Variants in RAP1GAP2 observed in about 807,000 individuals in gnomAD.
RAP1GAP2 encodes the protein rap1 GTPase-activating protein 2.
A neutral mutation model predicts 95.0 loss-of-function variants in RAP1GAP2; 27 were observed. That is an observed-to-expected ratio of 0.28 (90% confidence interval 0.21 to 0.39). The LOEUF is 0.39. Among genes scored for constraint, RAP1GAP2 ranks in the 10% least tolerant of loss-of-function variants. The pLI is 1.00. For synonymous variants in RAP1GAP2, 373 were observed against 380.9 expected (o/e 0.98, Z 0.24); for missense variants, 771 against 970.0 (o/e 0.79, Z 2.72).
At chr17:2,978,997 T>A (rs2045238407) in intron 8 of RAP1GAP2, among the ~76,000 whole-genome samples, 1 of 139,950 alleles carries the variant, frequency 7.1e-6, no homozygotes, top group Admixed American at 7.3e-5. Context: ...GATAAATAAA[T>A]AAAAAAAATA....
intron 12 of RAP1GAP2, among the ~76,000 whole-genome samples, chr17:2,992,665 C>T (rs867940971): frequency 1.3e-5 from 2 of 152,162 alleles, no homozygotes; most frequent in Non-Finnish European, 2.9e-5. Flanking sequence ...CTCCTCACAT[C>T]GTGTGAAAAT....
intron 1 of RAP1GAP2, among the ~76,000 whole-genome samples, chr17:2,789,128 G>A (rs567099018): frequency 5.3e-5 from 8 of 152,126 alleles, no homozygotes; most frequent in Non-Finnish European, 1.5e-5. Flanking sequence ...CCCAATCATG[G>A]CTCTGCTTCC....
At chr17:2,839,065 G>A (rs2071262935) in intron 2 of RAP1GAP2, among the ~76,000 whole-genome samples, 1 of 152,098 alleles carries the variant, frequency 6.6e-6, no homozygotes, top group South Asian at 2.1e-4. Context: ...CACTTTTGGA[G>A]GCCAAGGCAG....
intron 22 of RAP1GAP2, among the ~76,000 whole-genome samples, 183 bp from the exon 23 acceptor site, chr17:3,030,739 C>A (rs117135176): frequency 3.9e-5 from 6 of 152,126 alleles, no homozygotes; most frequent in Non-Finnish European, 8.8e-5. Context: ...GTTGAACAAC[C>A]AGCTCACCAC....
At chr17:2,818,775 C>A (rs1179242850) in intron 2 of RAP1GAP2, among the ~76,000 whole-genome samples, 1 of 152,212 alleles carries the variant, frequency 6.6e-6, no homozygotes, top group Non-Finnish European at 1.5e-5. Context: ...GGGTTCAGAT[C>A]TTGGCTCTGA....
chr17:2,810,599 T>C (rs970858928), intron 2 of RAP1GAP2, among the ~76,000 whole-genome samples: 3 of 145,832 alleles, frequency 2.1e-5, no homozygotes, highest in African/African-American at 5.1e-5. Context: ...GGTACGATCT[T>C]GGCTCACTGC....
chr17:2,826,315 G>A (rs2070562123), intron 2 of RAP1GAP2, among the ~76,000 whole-genome samples: 1 of 151,912 alleles, frequency 6.6e-6, no homozygotes, highest in Non-Finnish European at 1.5e-5. Flanking sequence ...ATTTCACACT[G>A]AGGAAACAGT....
At chr17:2,778,598 G>A (rs2068563092) in intron 1 of RAP1GAP2, among the ~76,000 whole-genome samples, 1 of 152,140 alleles carries the variant, frequency 6.6e-6, no homozygotes, top group Non-Finnish European at 1.5e-5. Context: ...TTGAGGGAAA[G>A]GGACCCTGGC....
At chr17:2,923,956 TGAA>T (rs1035247429) in intron 3 of RAP1GAP2, among the ~76,000 whole-genome samples, 3 of 152,144 alleles carry the variant, frequency 2.0e-5, no homozygotes, top group Non-Finnish European at 4.4e-5. Flanking sequence ...CATTAACCAA[TGAA>T]GAAGAAATAA....
rs71153304 is a variant in RAP1GAP2, at chr17:2,838,016, C to CTTTTT, written c.80+37482_80+37486dup. Reference sequence around the variant, plus strand: ...TGATGTTCATGTTCTTTCTTTTTTCCTTTTTTTTTTTTTTTTTTTTGAGAC... The same window carrying CTTTTT: ...TGATGTTCATGTTCTTTCTTTTTTCCTTTTTTTTTTTTTTTTTTTTTTTTTGAGAC... On this transcript the variant is annotated intron_variant, in intron 2 of 24. Transcript: ENST00000254695. 2.5e-3 allele frequency among the ~76,000 whole-genome samples: 237 copies of CTTTTT among 94,438 alleles called. 10 individuals are homozygous for CTTTTT. The highest frequency in any genetic ancestry group is 3.1e-3 in the African/African-American group (70 of 22,738). The allele number at this position is 94,438 out of a possible 152,430, so 62.0% of individuals were successfully genotyped here.
chr17:2,856,465 C>A (rs182471335), intron 2 of RAP1GAP2, among the ~76,000 whole-genome samples: 1 of 152,152 alleles, frequency 6.6e-6, no homozygotes, highest in Non-Finnish European at 1.5e-5. Flanking sequence ...ATAAAGGTAA[C>A]GGGGGTTTGA....
At chr17:2,882,488 C>T (rs1402249959) in intron 2 of RAP1GAP2, among the ~76,000 whole-genome samples, 2 of 151,796 alleles carry the variant, frequency 1.3e-5, no homozygotes, top group African/African-American at 2.4e-5. Context: ...GACGGGGTTT[C>T]GCCACGTTGG....
chr17:2,997,939 GA>G (rs68149165), intron 13 of RAP1GAP2, among the ~76,000 whole-genome samples: 22 of 131,648 alleles, frequency 1.7e-4, no homozygotes, highest in African/African-American at 2.5e-4. Context: ...AAAAAAAAAA[GA>G]AAAAAAAAAG....
intron 3 of RAP1GAP2, among the ~76,000 whole-genome samples, chr17:2,947,590 G>A (rs986385878): frequency 5.3e-5 from 8 of 152,194 alleles, no homozygotes; most frequent in Admixed American, 2.6e-4. Flanking sequence ...TAATAGCACA[G>A]GGATATGGCA....
intron 1 of RAP1GAP2, among the ~76,000 whole-genome samples, chr17:2,782,934 T>A (rs550708179): frequency 1.3e-5 from 2 of 152,286 alleles, no homozygotes; most frequent in East Asian, 3.9e-4. Context: ...GGAGAATCTC[T>A]TGAACCTGGG....
intron 2 of RAP1GAP2, among the ~76,000 whole-genome samples, chr17:2,895,247 C>CG (rs1390042776): frequency 2.0e-5 from 3 of 152,164 alleles, no homozygotes; most frequent in African/African-American, 7.2e-5. Context: ...CAGGTGCCCT[C>CG]GGGGGCCCGC....
At chr17:2,781,505 CT>C (rs1249905911) in intron 1 of RAP1GAP2, among the ~76,000 whole-genome samples, 8 of 151,954 alleles carry the variant, frequency 5.3e-5, no homozygotes, top group Non-Finnish European at 1.0e-4. Flanking sequence ...GAGCACACCC[CT>C]GTGTGTGCAC....
At chr17:2,991,422 C>G in intron 12 of RAP1GAP2, 25 bp downstream of exon 12, 1 of 1,535,914 alleles carries the variant, frequency 6.5e-7, no homozygotes, top group Non-Finnish European at 8.9e-7. Flanking sequence ...AGTGACGGCT[C>G]CAGCTCCATC....
intron 2 of RAP1GAP2, among the ~76,000 whole-genome samples, chr17:2,861,928 T>A (rs2072411593): frequency 6.6e-6 from 1 of 152,180 alleles, no homozygotes. Context: ...AGTGCTGGGA[T>A]TACAGACGTG....
Sources: gnomAD v4.1 joint callset for allele counts (sites outside exome capture counted in the v4.1 genomes callset) on GRCh38, gnomAD v4.1.1 for gene constraint, MANE v1.5 for transcripts, NCBI Gene and HGNC (gene_info 2026-07-23, HGNC 2026-07-21) for gene names.